The following MTF2 variants were observed in gnomAD, a reference collection of about 807,000 sequenced individuals.
MTF2 encodes metal response element binding transcription factor 2.
Under a neutral mutation model 79.5 loss-of-function variants are expected in MTF2, and 11 were observed. That is an observed-to-expected ratio of 0.14 (90% confidence interval 0.09 to 0.23). The LOEUF (loss-of-function observed/expected upper bound fraction) is 0.23, where lower values mean the gene tolerates loss of function less well. MTF2 is among the 10% of genes least tolerant of loss of function. MTF2 has a pLI of 1.00. For missense variants in MTF2, 486 were observed against 711.2 expected, an observed-to-expected ratio of 0.68 and a Z score of 3.60; for synonymous variants, 208 against 232.8, an observed-to-expected ratio of 0.89 and a Z score of 0.97.
At chr1:93,134,260 G>A (rs1647282117) in intron 14 of MTF2, 65 bp downstream of exon 14, 4 of 1,215,774 alleles carry the variant, frequency 3.3e-6, no homozygotes, top group South Asian at 2.8e-5. Context: ...TTTGTAAAGT[G>A]TTGATTGAAT....
chr1:93,114,448 A>G (rs1656165366), intron 3 of MTF2, among the ~76,000 whole-genome samples: 1 of 152,252 alleles, frequency 6.6e-6, no homozygotes, highest in African/African-American at 2.4e-5. Flanking sequence ...GATGCTCAAG[A>G]GCAATTTAAA....
At position 93,110,532 on chromosome 1, in the gene MTF2, C is replaced by G. The variant is rs1557551057; in HGVS notation, c.205-13C>G. 6.2e-7 allele frequency: 1 copy of G among 1,607,264 alleles called. No individual in the cohort carries two copies. Among genetic ancestry groups the G allele is most frequent in the Non-Finnish European group, 8.5e-7 (1 of 1,174,476 alleles). ...TTTAAGAGATCACCGTTAAGTATTT[C>G]TCTGTATTGCAGATAAACATATTGA... On this transcript the variant is annotated splice_polypyrimidine_tract_variant and intron_variant, in intron 2 of 14. Coordinates refer to ENST00000370298, the MANE Select transcript of MTF2 (RefSeq NM_007358.4).
chr1:93,081,530 C>T (rs1255541191), intron 1 of MTF2, among the ~76,000 whole-genome samples: 1 of 152,176 alleles, frequency 6.6e-6, no homozygotes, highest in Non-Finnish European at 1.5e-5. Context: ...CTTCCATGAA[C>T]GATCTTTGAT....
chr1:93,098,395 A>G (rs764848813), intron 1 of MTF2, among the ~76,000 whole-genome samples: 2 of 152,200 alleles, frequency 1.3e-5, no homozygotes, highest in Non-Finnish European at 2.9e-5. Flanking sequence ...GTGTTTCTCT[A>G]CAAAGGCTAT....
At chr1:93,131,905 T>A (rs879562897) in intron 11 of MTF2, among the ~76,000 whole-genome samples, 1 of 152,194 alleles carries the variant, frequency 6.6e-6, no homozygotes, top group Non-Finnish European at 1.5e-5. Flanking sequence ...TGTTGTAGAT[T>A]GGGCAGTTGG....
At chr1:93,096,171 T>C (rs1000195800) in intron 1 of MTF2, among the ~76,000 whole-genome samples, 2 of 152,262 alleles carry the variant, frequency 1.3e-5, no homozygotes, top group East Asian at 1.9e-4. Flanking sequence ...GAATTTCACA[T>C]GTAACATGAA....
Position 93,079,523 on chromosome 1 carries a change from C to A in MTF2, c.-4C>A. ...GAAGCGGTTGGCACCACTGAAGTGACCGAATGAGGTGAGAGACCTTGGCCT... is the reference window on the plus strand; with the variant it reads ...GAAGCGGTTGGCACCACTGAAGTGAACGAATGAGGTGAGAGACCTTGGCCT... On this transcript the variant is annotated 5_prime_UTR_variant, in exon 1 of 15. Transcript: ENST00000370298. The A allele has an allele frequency of 6.2e-7, 1 of 1,613,718 alleles. No individual in the cohort carries two copies. The highest frequency in any genetic ancestry group is 1.1e-5 in the South Asian group (1 of 91,030).
At position 93,136,881 on chromosome 1, in the gene MTF2, A is replaced by C. The variant is rs768981663; in HGVS notation, c.1636A>C (p.Asn546His). The change falls in exon 15 of 15, where the codon AAT becomes CAT. Residue 546 changes from asparagine to histidine, a missense_variant. Asn to His is a moderately conservative substitution (Grantham distance 68, BLOSUM62 1). Transcript: ENST00000370298. The stretch of plus-strand genomic sequence containing the variant: ...CTTAGCAGATCAGGAGTTACAACTC[A>C]ATCATCTAAAGAACTCCATTACCAG... ...NNLADQELQL[N>H]HLKNSITSYF... 1.2e-6 allele frequency: 2 copies of C among 1,614,216 alleles called. No homozygotes were observed. The highest frequency in any genetic ancestry group is 1.7e-6 in the Non-Finnish European group (2 of 1,180,002).
chr1:93,105,343 G>T (rs567585130), intron 1 of MTF2, among the ~76,000 whole-genome samples: 44 of 152,210 alleles, frequency 2.9e-4, no homozygotes, highest in Non-Finnish European at 5.4e-4. Context: ...AGAATCAAGA[G>T]AATTTAGTTA....
intron 1 of MTF2, among the ~76,000 whole-genome samples, chr1:93,107,685 C>T (rs897962977): frequency 2.1e-5 from 3 of 145,152 alleles, no homozygotes; most frequent in Admixed American, 7.2e-5. Context: ...TGACAATCTA[C>T]GTTTTATATT....
At chr1:93,107,830 G>T (rs1190267401) in intron 1 of MTF2, among the ~76,000 whole-genome samples, 2 of 151,586 alleles carry the variant, frequency 1.3e-5, no homozygotes, top group Admixed American at 1.3e-4. Flanking sequence ...GCTCAGGCTG[G>T]AGTGCAGTGG....
intron 1 of MTF2, among the ~76,000 whole-genome samples, chr1:93,095,035 A>G (rs1655225163): frequency 4.0e-5 from 6 of 151,848 alleles, no homozygotes; most frequent in Admixed American, 2.0e-4. Context: ...TTTTTCAGAC[A>G]TGGTCTTGCT....
Position 93,110,440 on chromosome 1 carries a change from T to C in MTF2, c.204+12T>C. ...GCACTATCAAAAAGGCAAGTTACTT[T>C]AATGTATCTTTTGCTGTTTTTGCAG... On this transcript the variant is annotated intron_variant, in intron 2 of 14. Transcript: ENST00000370298. 6.2e-7 allele frequency: 1 copy of C among 1,613,636 alleles called. No individual in the cohort carries two copies. The highest frequency in any genetic ancestry group is 8.5e-7 in the Non-Finnish European group (1 of 1,179,548).
At chr1:93,089,886 C>T (rs553661367) in intron 1 of MTF2, among the ~76,000 whole-genome samples, 123 of 151,482 alleles carry the variant, frequency 8.1e-4, no homozygotes, top group Non-Finnish European at 1.4e-3. Flanking sequence ...ACTCTGTCAC[C>T]GAGGCTGGAG....
At position 93,087,428 on chromosome 1, in the gene MTF2, C is replaced by T. The variant is rs561849576; in HGVS notation, c.5+7897C>T. Among the ~76,000 whole-genome samples, 4 of 152,184 alleles carry T rather than the reference C, an allele frequency of 2.6e-5. No individual in the cohort carries two copies. The East Asian group carries it at 7.7e-4, about 29-fold the overall frequency. ...CTCTACTAAAAATGCAAAAATTAGC[C>T]AGGCGTGGTGGCACGCACCTGTAAT... On this transcript the variant is annotated intron_variant, in intron 1 of 14. Transcript: ENST00000370298.
intron 1 of MTF2, among the ~76,000 whole-genome samples, chr1:93,101,484 A>G (rs552231887): frequency 2.2e-5 from 3 of 137,444 alleles, no homozygotes; most frequent in African/African-American, 8.2e-5. Context: ...AGCTCAAGTG[A>G]TCCTGCAGCT....
chr1:93,114,981 T>C lies in MTF2; in HGVS notation c.383-7T>C. On this transcript the variant is annotated splice_region_variant and splice_polypyrimidine_tract_variant and intron_variant, in intron 4 of 14. Coordinates refer to ENST00000370298, the MANE Select transcript of MTF2 (RefSeq NM_007358.4). ...CGAATTTGCTTTATGCTTTTTTTGA[T>C]ATTAAGGATATCATCAGTTGTGTCA... 6.4e-7 allele frequency: 1 copy of C among 1,567,072 alleles called. No individual in the cohort carries two copies. The highest frequency in any genetic ancestry group is 1.4e-5 in the African/African-American group (1 of 73,940).
rs542166607 is a variant in MTF2 at position 93,094,357 on chromosome 1, T to G, written c.5+14826T>G. On this transcript the variant is annotated intron_variant, in intron 1 of 14. Coordinates refer to ENST00000370298, the MANE Select transcript of MTF2 (RefSeq NM_007358.4). ...AACCCAGAAACCCACATTGCAACCC[T>G]TTCATCCCCCAGATAATCTCCATCC... is the stretch of plus-strand genomic sequence containing the variant. Among the ~76,000 whole-genome samples, 119 of 152,328 alleles carry G rather than the reference T, an allele frequency of 7.8e-4. 1 individual carries two copies. Among genetic ancestry groups the G allele is most frequent in the African/African-American group, 2.2e-3 (91 of 41,588 alleles).
intron 1 of MTF2, among the ~76,000 whole-genome samples, chr1:93,109,893 G>A (rs1655961445): frequency 6.6e-6 from 1 of 152,158 alleles, no homozygotes; most frequent in African/African-American, 2.4e-5. Context: ...CCTAAACCCA[G>A]TCATGAGATT....
Sources: gnomAD v4.1 joint callset for allele counts (sites outside exome capture counted in the v4.1 genomes callset) on GRCh38, gnomAD v4.1.1 for gene constraint, MANE v1.5 for transcripts, NCBI Gene and HGNC (gene_info 2026-07-23, HGNC 2026-07-21) for gene names.